Variants in MFAP3L observed in about 807,000 individuals in gnomAD.
MFAP3L encodes the protein microfibrillar-associated protein 3-like.
In MFAP3L, 5 loss-of-function variants were observed where a neutral mutation model predicts 20.0. The observed-to-expected ratio is 0.25, with a 90% CI of 0.13 to 0.53. MFAP3L has a LOEUF of 0.53. Among genes scored for constraint, MFAP3L ranks in the 20% least tolerant of loss-of-function variants. The pLI is 0.96. For missense variants in MFAP3L, 409 were observed against 527.5 expected (o/e 0.78, Z 2.20); for synonymous variants, 219 against 213.0 (o/e 1.03, Z -0.25).
At chr4:170,003,548 TA>T in intron 2 of MFAP3L, 1 of 368,124 alleles carries the variant, frequency 2.7e-6, no homozygotes, top group Non-Finnish European at 3.8e-6. Flanking sequence ...CACTTTGGGA[TA>T]ATCCTCGAAA....
intron 1 of MFAP3L, among the ~76,000 whole-genome samples, chr4:170,017,359 A>G (rs1010956077): frequency 1.3e-5 from 2 of 152,182 alleles, no homozygotes; most frequent in African/African-American, 4.8e-5. Context: ...GAGTGCTATG[A>G]TAACTAACTC....
rs762337097 is a variant in MFAP3L at position 169,992,328 on chromosome 4, G to C, written c.299-19C>G. Reference sequence around the variant, plus strand: ...CATTTTCCTGTCGGAAGGGAGAGAAGAGAATTCAACCAAGGACACAGAGCT... The same window carrying C: ...CATTTTCCTGTCGGAAGGGAGAGAACAGAATTCAACCAAGGACACAGAGCT... On this transcript the variant is annotated intron_variant, in intron 2 of 2. Coordinates refer to ENST00000361618, the MANE Select transcript of MFAP3L (RefSeq NM_021647.8). This position sits in a 1 kb window ranked among gnomAD's most constrained non-coding sequence, Gnocchi z 4.3. 38 of 1,586,818 alleles carry C rather than the reference G, an allele frequency of 2.4e-5. No individual in the cohort carries two copies. Among genetic ancestry groups the C allele is most frequent in the Middle Eastern group, 2.1e-4 (1 of 4,814 alleles).
Position 169,991,578 on chromosome 4 carries a change from C to G in MFAP3L, c.1030G>C (p.Glu344Gln). 6.2e-7 allele frequency: 1 copy of G among 1,614,160 alleles called. No individual in the cohort carries two copies. Among genetic ancestry groups the G allele is most frequent in the African/African-American group, 1.3e-5 (1 of 75,020 alleles). Residue 344 changes from glutamate (E) to glutamine (Q), a missense_variant, in exon 3 of 3, where the codon GAG becomes CAG. Transcript: ENST00000361618. The surrounding 1 kb of genome is among the most constrained non-coding windows in gnomAD (Gnocchi z 4.9). ...TGTTCCGCCGACAGTTCTGTCTCCT[C>G]TACATCTTTGACTTCAAACTGTCCA... ...EGGQFEVKDV[E>Q]ETELSAEHSP...
intron 1 of MFAP3L, among the ~76,000 whole-genome samples, chr4:170,025,035 T>C (rs1324651191): frequency 1.3e-5 from 2 of 152,218 alleles, no homozygotes; most frequent in East Asian, 1.9e-4. Context: ...TAGTTCCCAC[T>C]AGAACAGGAT....
chr4:170,011,794 CAA>C (rs928660341), intron 1 of MFAP3L, among the ~76,000 whole-genome samples: 2 of 151,984 alleles, frequency 1.3e-5, no homozygotes, highest in Non-Finnish European at 2.9e-5. Flanking sequence ...GGGCACCAGA[CAA>C]GAGATGGAAG....
intron 2 of MFAP3L, among the ~76,000 whole-genome samples, chr4:170,001,451 C>T (rs1392734690): frequency 6.6e-6 from 1 of 152,148 alleles, no homozygotes; most frequent in African/African-American, 2.4e-5. Context: ...AAGTAAAAAA[C>T]CTAACTTAAT....
chr4:170,026,366 C>G lies in MFAP3L; in HGVS notation c.-266G>C. The G allele has an allele frequency of 2.3e-6, 2 of 865,848 alleles. No individual in the cohort carries two copies. Among genetic ancestry groups the G allele is most frequent in the Non-Finnish European group, 2.8e-6 (2 of 721,810 alleles). 53.6% of individuals were successfully genotyped at this position (865,848 alleles called of 1,614,324 possible). Reference sequence around the variant, plus strand: ...GCGGGCGAGCCGCCTCCGCCGGCGCCTCACAGCGTTGCGAGCTGCGCCGCC... The same window carrying G: ...GCGGGCGAGCCGCCTCCGCCGGCGCGTCACAGCGTTGCGAGCTGCGCCGCC... On this transcript the variant is annotated 5_prime_UTR_variant, in exon 1 of 3. Transcript: ENST00000361618.
intron 1 of MFAP3L, among the ~76,000 whole-genome samples, chr4:170,011,229 A>G (rs558655556): frequency 6.6e-6 from 1 of 152,334 alleles, no homozygotes; most frequent in South Asian, 2.1e-4. Context: ...TGTCTTTATT[A>G]GCAGCATGAA....
chr4:169,997,538 T>C (rs75044186), intron 2 of MFAP3L, among the ~76,000 whole-genome samples: 53 of 152,298 alleles, frequency 3.5e-4, no homozygotes, highest in African/African-American at 1.2e-3. Flanking sequence ...ACAAGAAATG[T>C]GAATGGTGTC....
chr4:170,024,431 G>C (rs961804222), intron 1 of MFAP3L, among the ~76,000 whole-genome samples: 4 of 152,168 alleles, frequency 2.6e-5, no homozygotes, highest in African/African-American at 4.8e-5. Context: ...ACTTCTACTG[G>C]GGAATGTCAC....
At chr4:169,994,771 C>T (rs2110928740) in intron 2 of MFAP3L, among the ~76,000 whole-genome samples, 1 of 152,338 alleles carries the variant, frequency 6.6e-6, no homozygotes, top group Middle Eastern at 3.4e-3. Flanking sequence ...TAAATTATTA[C>T]TTAGGAGTAT....
rs560531328 is a variant in MFAP3L, at chr4:169,996,634, G to A, written c.299-4325C>T. 9.8e-5 allele frequency among the ~76,000 whole-genome samples: 15 copies of A among 152,298 alleles called. No homozygotes were observed. In the South Asian group the frequency reaches 3.1e-3, roughly 32 times the overall value. ...ACTTTTGAGGTCACAGGGAGCACAT[G>A]AGCACAAGAGAGAACACTGTGAGCC... On this transcript the variant is annotated intron_variant, in intron 2 of 2. Transcript: ENST00000361618.
chr4:170,023,916 G>A (rs1402414159), intron 1 of MFAP3L, among the ~76,000 whole-genome samples: 1 of 152,190 alleles, frequency 6.6e-6, no homozygotes, highest in Non-Finnish European at 1.5e-5. Flanking sequence ...AGGTCACAGG[G>A]ATTGGGGGAT....
intron 2 of MFAP3L, chr4:169,997,799 A>G (rs1423066390): frequency 2.3e-6 from 2 of 888,360 alleles, no homozygotes; most frequent in African/African-American, 4.2e-5. Flanking sequence ...CCTTTCATTA[A>G]TTCTTTTTTT....
chr4:170,016,181 G>A (rs1445686929), intron 1 of MFAP3L, among the ~76,000 whole-genome samples: 3 of 152,158 alleles, frequency 2.0e-5, no homozygotes. Context: ...AAAACGCTAA[G>A]ATTCTTAAAT....
At chr4:169,995,147 T>C (rs1738044807) in intron 2 of MFAP3L, 1 of 152,228 alleles carries the variant, frequency 6.6e-6, no homozygotes, top group Non-Finnish European at 1.5e-5. Flanking sequence ...GTAATGTTAA[T>C]GTCACTTAGA....
Position 170,005,958 on chromosome 4 carries a change from G to T in MFAP3L, c.-81C>A. On this transcript the variant is annotated 5_prime_UTR_variant, in exon 2 of 3. It adds an upstream start codon to the 5' untranslated region. Transcript: ENST00000361618. ...ATCAGACAACACACTGTTCACAGCAGGTCATGGGACAAACCTGTCCTGGGT... is the reference window on the plus strand; with the variant it reads ...ATCAGACAACACACTGTTCACAGCATGTCATGGGACAAACCTGTCCTGGGT... 6.6e-7 allele frequency: 1 copy of T among 1,517,854 alleles called. No individual in the cohort carries two copies. The highest frequency in any genetic ancestry group is 8.8e-7 in the Non-Finnish European group (1 of 1,130,720). 94.0% of individuals were successfully genotyped at this position (1,517,854 alleles called of 1,614,324 possible).
rs1737469031 is a variant in MFAP3L at position 169,988,987 on chromosome 4, A to G, written c.*2391T>C. 1 of 152,158 alleles carries G rather than the reference A, an allele frequency of 6.6e-6. No homozygotes were observed. Among genetic ancestry groups the G allele is most frequent in the African/African-American group, 2.4e-5 (1 of 41,436 alleles). 9.4% of individuals were successfully genotyped at this position (152,158 alleles called of 1,614,324 possible). On this transcript the variant is annotated 3_prime_UTR_variant, in exon 3 of 3. Coordinates refer to ENST00000361618, the MANE Select transcript of MFAP3L (RefSeq NM_021647.8). ...CTCCTTTCCATGTGGAAACCTACAC[A>G]TGGGTTTGGGTGGAATGACAACTGA...
Position 169,988,249 on chromosome 4 carries a change from T to C in MFAP3L, c.*3129A>G, listed in dbSNP as rs1737410141. On this transcript the variant is annotated 3_prime_UTR_variant, in exon 3 of 3. Transcript: ENST00000361618. ...GTGCCCTAGAGATATGAAAATATAA[T>C]ATATAAAACAAAACCATTATAAATT... is the stretch of plus-strand genomic sequence containing the variant. 1.3e-5 allele frequency: 2 copies of C among 152,156 alleles called. No homozygotes were observed. Among genetic ancestry groups the C allele is most frequent in the South Asian group, 2.1e-4 (1 of 4,834 alleles). 9.4% of individuals were successfully genotyped at this position (152,156 alleles called of 1,614,324 possible). A position where few individuals can be genotyped will look rare whatever the true frequency, so the allele number is the denominator to read the frequency against.
Sources: gnomAD v4.1 joint callset for allele counts (sites outside exome capture counted in the v4.1 genomes callset) on GRCh38, gnomAD v4.1.1 for gene constraint, Gnocchi (gnomAD v3.1) non-coding constraint, MANE v1.5 for transcripts, NCBI Gene and HGNC (gene_info 2026-07-23, HGNC 2026-07-21) for gene names.